The following CEACAM19 variants were observed in gnomAD, a reference collection of about 807,000 sequenced individuals.
CEACAM19 encodes the protein cell adhesion molecule CEACAM19.
In CEACAM19, 37 loss-of-function variants were observed where a neutral mutation model predicts 37.6. The observed-to-expected ratio is 0.98, with a 90% CI of 0.76 to 1.29. The LOEUF (loss-of-function observed/expected upper bound fraction) is 1.29, where lower values mean the gene tolerates loss of function less well. Ranked by LOEUF, CEACAM19 falls within the 50% of genes most tolerant of loss-of-function variation. CEACAM19 has a pLI of 0.00. For missense variants in CEACAM19, 340 were observed against 375.6 expected (o/e 0.91, Z 0.78); for synonymous variants, 140 against 149.8 (o/e 0.93, Z 0.48).
In CEACAM19 at chr19:44,683,482, A is replaced by T; in HGVS notation, c.892A>T (p.Thr298Ser). The change falls in exon 8 of 8, where the codon ACT becomes TCT. Residue 298 changes from threonine to serine, a missense_variant. Transcript: ENST00000358777. ...DPAPYCQLVP[T>S]S The stretch of plus-strand genomic sequence containing the variant: ...TGCCCCCTACTGCCAGCTGGTGCCA[A>T]CTTCCTGATGGGTCCTGGGCCAGGC... 6.4e-7 allele frequency: 1 copy of T among 1,562,054 alleles called. No homozygotes were observed. Among genetic ancestry groups the T allele is most frequent in the Non-Finnish European group, 8.7e-7 (1 of 1,151,370 alleles).
chr19:44,680,229 C>A, intron 4 of CEACAM19, 59 bp from the exon 5 acceptor site: 9 of 1,429,078 alleles, frequency 6.3e-6, no homozygotes, highest in Non-Finnish European at 8.8e-6. Context: ...TCTTAAGTCT[C>A]TCTCCCCCCG....
chr19:44,670,558 C>T (rs1178684220), upstream of CEACAM19, among the ~76,000 whole-genome samples: 1 of 151,332 alleles, frequency 6.6e-6, no homozygotes, highest in Non-Finnish European at 1.5e-5. Flanking sequence ...GCCTGTAATC[C>T]CAGCTACTCA....
intron 4 of CEACAM19, among the ~76,000 whole-genome samples, chr19:44,679,476 A>C (rs1974014683): frequency 6.6e-6 from 1 of 151,976 alleles, no homozygotes; most frequent in Non-Finnish European, 1.5e-5. Flanking sequence ...TGGGCCAGGC[A>C]TGGTGCCTCA....
At chr19:44,669,250 C>T (rs62119320), upstream of CEACAM19, among the ~76,000 whole-genome samples, 2,114 of 152,182 alleles carry the variant, frequency 0.014, 27 homozygotes, top group Non-Finnish European at 0.024. Flanking sequence ...TTCTGAGTAA[C>T]TGGAACTATA....
chr19:44,673,226 T>G (rs1469611254), intron 2 of CEACAM19, among the ~76,000 whole-genome samples: 2 of 152,226 alleles, frequency 1.3e-5, no homozygotes, highest in Admixed American at 6.5e-5. Flanking sequence ...TGCACTAACA[T>G]TAACCAAATT....
At position 44,676,294 on chromosome 19, in the gene CEACAM19, A is replaced by C; in HGVS notation, c.448A>C (p.Thr150Pro). The C allele has an allele frequency of 6.2e-7, 1 of 1,614,098 alleles. No homozygotes were observed. Among genetic ancestry groups the C allele is most frequent in the East Asian group, 2.2e-5 (1 of 44,870 alleles). The part of the protein sequence containing the change: ...VAEKNKELPS[T>P]HLPTNAGILA... ...AGAAAAGAATAAGGAGCTGCCCAGT[A>C]CACACCTGCCCACCAACGCTGGGAT... Residue 150 changes from threonine (T) to proline (P), a missense_variant, in exon 3 of 8, where the codon ACA (threonine) becomes CCA (proline). By Grantham distance (38) the Thr-to-Pro change is conservative (BLOSUM62 -1). Coordinates refer to ENST00000358777, the MANE Select transcript of CEACAM19 (RefSeq NM_001127893.3).
upstream of CEACAM19, among the ~76,000 whole-genome samples, chr19:44,666,616 G>C (rs1430702249): frequency 6.6e-6 from 1 of 152,196 alleles, no homozygotes; most frequent in African/African-American, 2.4e-5. Flanking sequence ...GTTGCAGTGA[G>C]CTGAGATCGT....
chr19:44,682,506 G>A (rs1036708559), intron 6 of CEACAM19, 61 bp from the exon 7 acceptor site: 9 of 1,513,794 alleles, frequency 5.9e-6, no homozygotes, highest in Admixed American at 5.9e-5. Context: ...TAGCACCAAA[G>A]GTCAAAGTTT....
At position 44,683,662 on chromosome 19, in the gene CEACAM19, A is replaced by G; in HGVS notation, c.*172A>G. On this transcript the variant is annotated 3_prime_UTR_variant, in exon 8 of 8. Transcript: ENST00000358777. The stretch of plus-strand genomic sequence containing the variant: ...AGGTGTCCTGGCAGGGGGACAGGAG[A>G]CTGTAACAGGCCCAGGTCCTTGTGC... 1 of 451,462 alleles carries G rather than the reference A, an allele frequency of 2.2e-6. No individual in the cohort carries two copies. The highest frequency in any genetic ancestry group is 3.4e-5 in the East Asian group (1 of 29,338). The allele number at this position is 451,462 out of a possible 1,614,324, so 28.0% of individuals were successfully genotyped here.
rs1282696576 is a variant in CEACAM19, at chr19:44,672,003, C to A, written c.55+17C>A. On this transcript the variant is annotated intron_variant, in intron 1 of 7. Coordinates refer to ENST00000358777, the MANE Select transcript of CEACAM19 (RefSeq NM_001127893.3). ...TGCTCTCAGGTAAGGAGGAAATAGA[C>A]CCTAAAGGCCAAGGGGAGAAATGGG... 2.1e-5 allele frequency: 34 copies of A among 1,593,030 alleles called. No homozygotes were observed. The highest frequency in any genetic ancestry group is 2.9e-5 in the Non-Finnish European group (34 of 1,167,246).
At chr19:44,668,494 TTA>T (rs1187145534), upstream of CEACAM19, among the ~76,000 whole-genome samples, 62 of 59,522 alleles carry the variant, frequency 1.0e-3, no homozygotes, top group Non-Finnish European at 1.5e-3. Context: ...ATTATATATA[TTA>T]TATATATTAT....
Position 44,672,794 on chromosome 19 carries a change from A to G in CEACAM19, c.254A>G (p.Gln85Arg). The G allele has an allele frequency of 1.3e-6, 2 of 1,589,554 alleles. No individual in the cohort carries two copies. The highest frequency in any genetic ancestry group is 1.7e-6 in the Non-Finnish European group (2 of 1,167,062). Residue 85 changes from glutamine (Q) to arginine (R), a missense_variant, in exon 2 of 8, where the codon CAA becomes CGA. Coordinates refer to ENST00000358777, the MANE Select transcript of CEACAM19 (RefSeq NM_001127893.3). The stretch of plus-strand genomic sequence containing the variant: ...CTATTTACCTACATCCCTGGGATAC[A>G]ACGGCCTCAGAGGGATGGCAGTGCC... ...TRLFTYIPGI[Q>R]RPQRDGSAMG... is the part of the protein sequence containing the mutation.
chr19:44,674,533 TGGGACTGTA>T, intron 2 of CEACAM19, among the ~76,000 whole-genome samples: 1 of 152,154 alleles, frequency 6.6e-6, no homozygotes, highest in East Asian at 1.9e-4. Flanking sequence ...CCCATGTAGC[TGGGACTGTA>T]GGCGCATGCC....
upstream of CEACAM19, among the ~76,000 whole-genome samples, chr19:44,669,883 C>G (rs966878884): frequency 6.6e-6 from 1 of 152,150 alleles, no homozygotes; most frequent in African/African-American, 2.4e-5. Context: ...GGTCTGCCCC[C>G]CCAAACCCTA....
rs559544325 is a variant in CEACAM19 at position 44,678,421 on chromosome 19, TTTC to T, written c.576-420_576-418del. The T allele has an allele frequency of 3.0e-4, 46 of 154,650 alleles. No homozygotes were observed. In the East Asian group the frequency reaches 5.6e-3, roughly 19 times the overall value. 9.6% of individuals were successfully genotyped at this position (154,650 alleles called of 1,614,324 possible). A position where few individuals can be genotyped will look rare whatever the true frequency, so the allele number is the denominator to read the frequency against. On this transcript the variant is annotated intron_variant, in intron 3 of 7. Coordinates refer to ENST00000358777, the MANE Select transcript of CEACAM19 (RefSeq NM_001127893.3). ...GGAGTGCACCATTTCCAAGCTTTTTTTTCTTCTTCTTCTTGTTTTGCTCTTGTC... is the reference window on the plus strand; with the variant it reads ...GGAGTGCACCATTTCCAAGCTTTTTTTTCTTCTTCTTGTTTTGCTCTTGTC...
upstream of CEACAM19, among the ~76,000 whole-genome samples, chr19:44,668,707 A>ATATAT (rs1415426462): frequency 1.5e-5 from 1 of 67,006 alleles, no homozygotes; most frequent in Non-Finnish European, 2.7e-5. Context: ...ATATTATATT[A>ATATAT]TATATTATAA....
intron 3 of CEACAM19, among the ~76,000 whole-genome samples, chr19:44,677,189 C>G (rs1327214664): frequency 6.6e-6 from 1 of 152,156 alleles, no homozygotes; most frequent in African/African-American, 2.4e-5. Flanking sequence ...TGGCTTAACT[C>G]AGATCACATG....
chr19:44,677,375 T>G (rs978029704), intron 3 of CEACAM19, among the ~76,000 whole-genome samples: 2 of 151,942 alleles, frequency 1.3e-5, no homozygotes, highest in African/African-American at 4.8e-5. Context: ...GTTGCTATTG[T>G]CAAAGAAGGG....
rs1315133736 is a variant in CEACAM19 at position 44,676,381 on chromosome 19, T to C, written c.535T>C (p.Tyr179His). The change falls in exon 3 of 8, where the codon TAT becomes CAT. Residue 179 changes from tyrosine (Y) to histidine (H), a missense_variant. Tyr to His is a moderately conservative substitution (Grantham distance 83). Coordinates refer to ENST00000358777, the MANE Select transcript of CEACAM19 (RefSeq NM_001127893.3). ...AGALLISCIA[Y>H]LLVTRNWRGQ... ...GGCCCTTCTCATCAGCTGCATTGCC[T>C]ATCTCCTGGTGACAAGGAACTGGAG... 6.2e-7 allele frequency: 1 copy of C among 1,614,114 alleles called. No individual in the cohort carries two copies. The highest frequency in any genetic ancestry group is 2.2e-5 in the East Asian group (1 of 44,878).
Sources: allele counts gnomAD v4.1 joint callset (sites outside exome capture counted in the v4.1 genomes callset), GRCh38; gene constraint gnomAD v4.1.1; transcripts MANE v1.5; gene names NCBI Gene and HGNC (gene_info 2026-07-23, HGNC 2026-07-21).